Variants in VPS13B observed in about 807,000 individuals in gnomAD.
The protein encoded by VPS13B is vacuolar protein sorting 13 homolog B.
Under a neutral mutation model 426.4 loss-of-function variants are expected in VPS13B, and 285 were observed. That is an observed-to-expected ratio of 0.67 (90% CI 0.61 to 0.74). VPS13B has a LOEUF of 0.74. Among genes scored for constraint, VPS13B ranks in the 30% least tolerant of loss-of-function variants. The pLI is 0.00. For missense variants in VPS13B, 4,537 were observed against 4,782.6 expected, an observed-to-expected ratio of 0.95 and a Z score of 1.51; for synonymous variants, 1,676 against 1,676.4, an observed-to-expected ratio of 1.00 and a Z score of 0.01.
At position 99,720,900 on chromosome 8, in the gene VPS13B, T is replaced by G; in HGVS notation, c.6903T>G (p.Phe2301Leu). The G allele has an allele frequency of 6.2e-7, 1 of 1,614,020 alleles. No homozygotes were observed. The highest frequency in any genetic ancestry group is 8.5e-7 in the Non-Finnish European group (1 of 1,179,936). The change falls in exon 39 of 62, where the codon TTT (phenylalanine) becomes TTG (leucine). Residue 2301 changes from phenylalanine (F) to leucine (L), a missense_variant. By Grantham distance (22) the Phe-to-Leu change is conservative. This residue lies in a region of VPS13B where 4,311 missense variants were observed against 4,474.3 expected (regional missense o/e 0.96). Coordinates refer to ENST00000357162, the MANE Select transcript of VPS13B (RefSeq NM_152564.5). The part of the protein sequence containing the change: ...LKLPGVYEVL[F>L]YNETEDCPGM... The stretch of plus-strand genomic sequence containing the variant: ...TGCCTGGGGTCTATGAAGTCTTATT[T>G]TATAATGAAACTGAAGATTGCCCAG...
chr8:99,557,069 A>G (rs77129842), intron 31 of VPS13B, among the ~76,000 whole-genome samples: 1 of 152,144 alleles, frequency 6.6e-6, no homozygotes, highest in African/African-American at 2.4e-5. Flanking sequence ...GTGGGGAAAA[A>G]CAAGAGTTTC....
At chr8:99,745,358 A>G (rs1477297114) in intron 39 of VPS13B, among the ~76,000 whole-genome samples, 1 of 152,132 alleles carries the variant, frequency 6.6e-6, no homozygotes, top group Non-Finnish European at 1.5e-5. Context: ...CTATTATGAA[A>G]AATTTCAAAT....
Position 99,147,999 on chromosome 8 carries a change from A to T in VPS13B, c.2002A>T (p.Met668Leu). 1 of 1,609,586 alleles carries T rather than the reference A, an allele frequency of 6.2e-7. No individual in the cohort carries two copies. The highest frequency in any genetic ancestry group is 8.5e-7 in the Non-Finnish European group (1 of 1,177,562). Reference sequence around the variant, plus strand: ...GCTGGACCATTTACTACCTGTCATTATGGGAGAAAAGGTATATTTTGTGAT... The same window carrying T: ...GCTGGACCATTTACTACCTGTCATTTTGGGAGAAAAGGTATATTTTGTGAT... ...NLLDHLLPVIMGEKNSSNFMN... is the reference protein window; with the variant it reads ...NLLDHLLPVILGEKNSSNFMN... Residue 668 changes from methionine to leucine, a missense_variant, in exon 14 of 62, where the codon ATG (methionine) becomes TTG (leucine). Met to Leu is a conservative substitution (Grantham distance 15, BLOSUM62 2). Around this residue, in one of 2 missense-constraint regions of VPS13B, gnomAD observed 4,311 missense variants for 4,474.3 expected, o/e 0.96. Transcript: ENST00000357162.
intron 39 of VPS13B, among the ~76,000 whole-genome samples, chr8:99,750,337 GCC>G (rs1810329919): frequency 1.3e-5 from 2 of 152,018 alleles, no homozygotes; most frequent in Non-Finnish European, 2.9e-5. Context: ...TGGAAAAGTT[GCC>G]CCACTTTGGG....
intron 33 of VPS13B, among the ~76,000 whole-genome samples, chr8:99,613,245 G>A (rs941721079): frequency 2.0e-5 from 3 of 152,126 alleles, no homozygotes; most frequent in Non-Finnish European, 4.4e-5. Flanking sequence ...CATTCTTTGG[G>A]CATAAATACT....
At chr8:99,854,313 C>G (rs1007648919) in intron 56 of VPS13B, 57 bp downstream of exon 56, 1 of 1,565,702 alleles carries the variant, frequency 6.4e-7, no homozygotes, top group African/African-American at 1.4e-5. Flanking sequence ...AAATGACACG[C>G]TTGGGGGTAG....
In VPS13B at chr8:99,875,612, C is replaced by T; in HGVS notation, c.11940C>T (p.Phe3980=). 6.2e-7 allele frequency: 1 copy of T among 1,614,138 alleles called. No individual in the cohort carries two copies. Among genetic ancestry groups the T allele is most frequent in the Non-Finnish European group, 8.5e-7 (1 of 1,180,004 alleles). The change falls in exon 62 of 62, where the codon TTC becomes TTT. Residue 3980 remains phenylalanine (F), a synonymous_variant. Coordinates refer to ENST00000357162, the MANE Select transcript of VPS13B (RefSeq NM_152564.5). ...TTGATCCACATTTTGCTCAGGTCTT[C>T]CTTAGTAAATTTACCATGGTGAAAA... ...YLVDPHFAQV[F]LSKFTMVKNK... is the part of the protein sequence containing the mutation.
chr8:99,783,587 GTAT>G (rs1812122339), intron 42 of VPS13B, among the ~76,000 whole-genome samples: 1 of 152,150 alleles, frequency 6.6e-6, no homozygotes, highest in South Asian at 2.1e-4. Context: ...ACAAAGGAAC[GTAT>G]TATTAATTTG....
intron 21 of VPS13B, among the ~76,000 whole-genome samples, chr8:99,414,541 TTG>T (rs1210253563): frequency 3.3e-5 from 5 of 152,222 alleles, no homozygotes; most frequent in Non-Finnish European, 1.5e-5. Flanking sequence ...TGGTATGTTT[TTG>T]CAGTGGCTGG....
At position 99,077,998 on chromosome 8, in the gene VPS13B, C is replaced by A. The variant is rs57445840; in HGVS notation, c.292-18314C>A. 3.3e-5 allele frequency among the ~76,000 whole-genome samples: 5 copies of A among 151,330 alleles called. No homozygotes were observed. The East Asian group carries it at 9.7e-4, about 29-fold the overall frequency. ...GCTCAGTTGTATTTTTTATTTTATT[C>A]ATTGAGTTTTTCAGTTATGGGATTT... On this transcript the variant is annotated intron_variant, in intron 3 of 61. Coordinates refer to ENST00000357162, the MANE Select transcript of VPS13B (RefSeq NM_152564.5).
At chr8:99,697,085 C>T (rs2130154103) in intron 35 of VPS13B, 1 of 534,908 alleles carries the variant, frequency 1.9e-6, no homozygotes, top group South Asian at 1.9e-5. Context: ...CATCCTGTCC[C>T]AGACGATGTA....
At chr8:99,232,884 G>C (rs548603269) in intron 17 of VPS13B, among the ~76,000 whole-genome samples, 74 of 152,186 alleles carry the variant, frequency 4.9e-4, no homozygotes, top group African/African-American at 1.7e-3. Flanking sequence ...TTGGCCCCTG[G>C]GATTCTCAGG....
chr8:99,650,322 T>A (rs917789173), intron 34 of VPS13B, among the ~76,000 whole-genome samples: 2 of 152,198 alleles, frequency 1.3e-5, no homozygotes, highest in African/African-American at 2.4e-5. Context: ...GTTCTCTCTC[T>A]GCATTCCTCA....
chr8:99,452,008 C>T (rs1441848260), intron 23 of VPS13B, among the ~76,000 whole-genome samples: 7 of 152,088 alleles, frequency 4.6e-5, no homozygotes, highest in Non-Finnish European at 5.9e-5. Flanking sequence ...GTTATTTTTG[C>T]GTGCAATCCT....
At chr8:99,641,693 T>C in intron 33 of VPS13B, 118 bp from the exon 34 acceptor site, 2 of 986,276 alleles carry the variant, frequency 2.0e-6, no homozygotes, top group Non-Finnish European at 2.9e-6. Flanking sequence ...ATTACTGTTT[T>C]AAGTTATACT....
intron 24 of VPS13B, among the ~76,000 whole-genome samples, chr8:99,474,237 G>A (rs989031071): frequency 7.0e-6 from 1 of 142,324 alleles, no homozygotes; most frequent in Non-Finnish European, 1.5e-5. Flanking sequence ...TGCCCAGGGT[G>A]GAGTGCAGTG....
At chr8:99,848,031 G>T (rs1816070257) in intron 54 of VPS13B, among the ~76,000 whole-genome samples, 1 of 152,038 alleles carries the variant, frequency 6.6e-6, no homozygotes, top group South Asian at 2.1e-4. Context: ...AGGTAATCCT[G>T]GCTGTGAACA....
chr8:99,545,131 C>T (rs1272771803), intron 30 of VPS13B, among the ~76,000 whole-genome samples: 2 of 152,118 alleles, frequency 1.3e-5, no homozygotes, highest in Non-Finnish European at 2.9e-5. Flanking sequence ...ATGTAAGACT[C>T]ATCACTTGGA....
intron 17 of VPS13B, among the ~76,000 whole-genome samples, chr8:99,221,860 C>A (rs190739004): frequency 6.6e-6 from 1 of 152,188 alleles, no homozygotes; most frequent in Non-Finnish European, 1.5e-5. Context: ...AGCTGTGCAC[C>A]GCCATGCCCA....
Sources: allele counts gnomAD v4.1 joint callset (sites outside exome capture counted in the v4.1 genomes callset), GRCh38; gene constraint gnomAD v4.1.1; regional missense constraint gnomAD v4.1.1; transcripts MANE v1.5; gene names NCBI Gene and HGNC (gene_info 2026-07-23, HGNC 2026-07-21).